Variants in TRPC4AP observed in about 807,000 individuals in gnomAD.
TRPC4AP encodes the protein short transient receptor potential channel 4-associated protein.
A neutral mutation model predicts 99.0 loss-of-function variants in TRPC4AP; 45 were observed. The observed-to-expected ratio is 0.45, with a 90% CI of 0.36 to 0.58. TRPC4AP has a LOEUF of 0.58. TRPC4AP is among the 20% of genes least tolerant of loss of function. The probability of loss-of-function intolerance (pLI) is 0.00; values close to 1 mark genes in which losing one functional copy is unlikely to be tolerated. For synonymous variants in TRPC4AP, 408 were observed against 385.8 expected, an observed-to-expected ratio of 1.06 and a Z score of -0.67; for missense variants, 879 against 985.3, an observed-to-expected ratio of 0.89 and a Z score of 1.44.
intron 2 of TRPC4AP, 42 bp downstream of exon 2, chr20:35,078,004 T>C: frequency 6.4e-7 from 1 of 1,554,336 alleles, no homozygotes; most frequent in Non-Finnish European, 8.7e-7. Context: ...TTGTGTCACC[T>C]AGAGGCCCTG....
chr20:35,054,951 G>A (rs2083790505), intron 5 of TRPC4AP, 25 bp downstream of exon 5: 2 of 1,604,194 alleles, frequency 1.2e-6, no homozygotes, highest in Non-Finnish European at 1.7e-6. Flanking sequence ...GAGATAAACA[G>A]AGCCCCAGTG....
chr20:35,039,964 T>C (rs2147348701), intron 7 of TRPC4AP, among the ~76,000 whole-genome samples: 1 of 151,700 alleles, frequency 6.6e-6, no homozygotes, highest in African/African-American at 2.4e-5. Context: ...GTGTAAATCA[T>C]TATTTTTGCT....
At chr20:35,025,550 T>C (rs2083007919) in intron 8 of TRPC4AP, among the ~76,000 whole-genome samples, 1 of 152,244 alleles carries the variant, frequency 6.6e-6, no homozygotes, top group Non-Finnish European at 1.5e-5. Flanking sequence ...ATTATTTATA[T>C]ATCTTCTTTG....
chr20:35,013,792 G>GTCTA (rs1401413301), intron 10 of TRPC4AP, among the ~76,000 whole-genome samples: 1 of 152,186 alleles, frequency 6.6e-6, no homozygotes, highest in Non-Finnish European at 1.5e-5. Context: ...CAGGGTGTCA[G>GTCTA]GTCCCAGTAA....
intron 2 of TRPC4AP, among the ~76,000 whole-genome samples, chr20:35,075,980 C>T (rs1157143353): frequency 6.6e-6 from 1 of 152,132 alleles, no homozygotes; most frequent in Admixed American, 6.6e-5. Context: ...TTTCTCTAAA[C>T]TTCTCTTCTC....
chr20:35,085,665 T>C, intron 1 of TRPC4AP, among the ~76,000 whole-genome samples: 1 of 151,900 alleles, frequency 6.6e-6, no homozygotes, highest in East Asian at 1.9e-4. Flanking sequence ...AGCTCAGCAC[T>C]GTGACAAAAG....
chr20:35,044,615 G>A lies in TRPC4AP; in HGVS notation c.755C>T (p.Thr252Ile), dbSNP rs1180296237. 58 of 1,613,992 alleles carry A rather than the reference G, an allele frequency of 3.6e-5. No individual in the cohort carries two copies. Among genetic ancestry groups the A allele is most frequent in the Non-Finnish European group, 4.7e-5 (56 of 1,180,026 alleles). Residue 252 changes from threonine (T) to isoleucine (I), a missense_variant, in exon 7 of 19, where the codon ACC becomes ATC. Transcript: ENST00000252015. ...LANFCRILAV[T>I]ISEMDTGNDD... ...ATTCCCTGTATCCATCTCTGAAATGGTGACAGCCAGAATCCGGCAGAAATT... is the reference window on the plus strand; with the variant it reads ...ATTCCCTGTATCCATCTCTGAAATGATGACAGCCAGAATCCGGCAGAAATT...
At chr20:35,008,294 G>C (rs1006853805) in intron 13 of TRPC4AP, among the ~76,000 whole-genome samples, 1 of 152,134 alleles carries the variant, frequency 6.6e-6, no homozygotes, top group Non-Finnish European at 1.5e-5. Context: ...CCCTAGCAGC[G>C]GAAGAGGCTT....
At chr20:35,019,215 G>A (rs2082828441) in intron 9 of TRPC4AP, among the ~76,000 whole-genome samples, 1 of 152,196 alleles carries the variant, frequency 6.6e-6, no homozygotes, top group Non-Finnish European at 1.5e-5. Context: ...ACGGTGCCCG[G>A]CACACAGCAG....
rs2082606343 is a variant in TRPC4AP, at chr20:35,010,345, C to A, written c.1410-57G>T. On this transcript the variant is annotated intron_variant, in intron 11 of 18. Transcript: ENST00000252015. ...ACAGGAACTGGGGCTGCTGGGTCAG[C>A]ACCAGGCTAGTGTAGGGAGTCTCCT... 3.4e-6 allele frequency: 5 copies of A among 1,468,808 alleles called. No homozygotes were observed. In the Admixed American group the frequency reaches 7.0e-5, roughly 21 times the overall value. The allele number at this position is 1,468,808 out of a possible 1,614,324, so 91.0% of individuals were successfully genotyped here. A position where few individuals can be genotyped will look rare whatever the true frequency, so the allele number is the denominator to read the frequency against.
At chr20:35,045,534 C>CT (rs1338653348) in intron 6 of TRPC4AP, among the ~76,000 whole-genome samples, 2 of 151,908 alleles carry the variant, frequency 1.3e-5, no homozygotes, top group Non-Finnish European at 2.9e-5. Context: ...TTACACCTGG[C>CT]TACTTTTTTA....
At chr20:35,075,390 T>C (rs891750787) in intron 2 of TRPC4AP, among the ~76,000 whole-genome samples, 25 of 152,236 alleles carry the variant, frequency 1.6e-4, no homozygotes, top group African/African-American at 5.8e-4. Context: ...TTGCAGTAGT[T>C]GGTATCGGTT....
intron 2 of TRPC4AP, among the ~76,000 whole-genome samples, chr20:35,069,707 A>G (rs138628775): frequency 0.082 from 12,507 of 152,208 alleles, 593 homozygotes; most frequent in South Asian, 0.13. Context: ...TTGGGAGGCT[A>G]AGGTGGGCGG....
chr20:35,004,447 G>C lies in TRPC4AP; in HGVS notation c.2049+11C>G. Reference sequence around the variant, plus strand: ...GACCTTCCCTGCTGTGTGTCTGCCGGGGCCTCTCACCTGGGTCAGCGTCTG... The same window carrying C: ...GACCTTCCCTGCTGTGTGTCTGCCGCGGCCTCTCACCTGGGTCAGCGTCTG... On this transcript the variant is annotated intron_variant, in intron 17 of 18. Coordinates refer to ENST00000252015, the MANE Select transcript of TRPC4AP (RefSeq NM_015638.3). 1 of 1,609,606 alleles carries C rather than the reference G, an allele frequency of 6.2e-7. No homozygotes were observed. The highest frequency in any genetic ancestry group is 8.5e-7 in the Non-Finnish European group (1 of 1,177,444).
intron 15 of TRPC4AP, among the ~76,000 whole-genome samples, chr20:35,006,216 T>G (rs1418097737): frequency 6.6e-6 from 1 of 151,298 alleles, no homozygotes; most frequent in African/African-American, 2.4e-5. Flanking sequence ...ATTCCCACCC[T>G]CACTCCCTAC....
intron 6 of TRPC4AP, among the ~76,000 whole-genome samples, chr20:35,049,029 C>G (rs935694338): frequency 3.9e-5 from 6 of 152,270 alleles, no homozygotes; most frequent in Middle Eastern, 3.4e-3. Flanking sequence ...CTCCCTGCAA[C>G]AGCAACCTCT....
intron 1 of TRPC4AP, among the ~76,000 whole-genome samples, chr20:35,089,963 T>C (rs1052859802): frequency 2.0e-5 from 3 of 151,640 alleles, no homozygotes; most frequent in Non-Finnish European, 2.9e-5. Flanking sequence ...CTACCAAAGA[T>C]ACAAAAATTA....
Position 35,083,524 on chromosome 20 carries a change from C to G in TRPC4AP, c.169-5350G>C, listed in dbSNP as rs113296089. Among the ~76,000 whole-genome samples, 822 of 151,238 alleles carry G rather than the reference C, an allele frequency of 5.4e-3. 5 individuals carry two copies. The highest frequency in any genetic ancestry group is 0.018 in the African/African-American group (728 of 41,188). Reference sequence around the variant, plus strand: ...CTAGGGGAGGCTGAGGCAGGAGAATCGCTTGAACCTGGGAGGCGGAGGTTG... The same window carrying G: ...CTAGGGGAGGCTGAGGCAGGAGAATGGCTTGAACCTGGGAGGCGGAGGTTG... On this transcript the variant is annotated intron_variant, in intron 1 of 18. Transcript: ENST00000252015.
chr20:35,010,338 G>A (rs371957915), intron 11 of TRPC4AP, 50 bp from the exon 12 acceptor site: 18 of 1,482,894 alleles, frequency 1.2e-5, no homozygotes, highest in Middle Eastern at 1.7e-4. Flanking sequence ...TGGGGCTGCT[G>A]GGTCAGCACC....
Sources: allele counts gnomAD v4.1 joint callset (sites outside exome capture counted in the v4.1 genomes callset), GRCh38; gene constraint gnomAD v4.1.1; transcripts MANE v1.5; gene names NCBI Gene and HGNC (gene_info 2026-07-23, HGNC 2026-07-21).